The following PPP4R3A variants were observed in gnomAD, a reference collection of about 807,000 sequenced individuals.
The protein encoded by PPP4R3A is protein phosphatase 4 regulatory subunit 3A.
PPP4R3A carries 15 observed loss-of-function variants against 91.7 expected under a neutral mutation model. The observed-to-expected ratio is 0.16, with a 90% CI of 0.11 to 0.25. The LOEUF (loss-of-function observed/expected upper bound fraction) is 0.25. Ranked by LOEUF, PPP4R3A falls within the 10% of genes least tolerant of loss-of-function variation. PPP4R3A has a pLI of 1.00. For synonymous variants in PPP4R3A, 377 were observed against 348.7 expected (o/e 1.08, Z -0.91); for missense variants, 623 against 998.4 (o/e 0.62, Z 5.07).
In PPP4R3A at chr14:91,509,481, TCCCGCCGCGCGG is replaced by T. The variant is rs779800978; in HGVS notation, c.142+13_142+24del. ...CCCAGGGCCGTGGGGGCTGCGAGGG[TCCCGCCGCGCGG>T]GGCTTCACTTACCGTCGCTCTCAGC... On this transcript the variant is annotated intron_variant, in intron 1 of 14. Coordinates refer to ENST00000554943, the MANE Select transcript of PPP4R3A (RefSeq NM_001366432.2). 3 of 1,567,382 alleles carry T rather than the reference TCCCGCCGCGCGG, an allele frequency of 1.9e-6. No homozygotes were observed. The East Asian group carries it at 7.0e-5, about 37-fold the overall frequency.
chr14:91,458,719 GT>G lies in PPP4R3A; in HGVS notation c.*39del, dbSNP rs757496003. On this transcript the variant is annotated 3_prime_UTR_variant, in exon 15 of 15. Transcript: ENST00000554943. ...TGTATGGGGGAGGGGTGGAGAACCAGTTTTTTTCAACAGGTACTGATCCTAG... is the reference window on the plus strand; with the variant it reads ...TGTATGGGGGAGGGGTGGAGAACCAGTTTTTTCAACAGGTACTGATCCTAG... 3.9e-4 allele frequency: 631 copies of G among 1,613,538 alleles called. No homozygotes were observed. Among genetic ancestry groups the G allele is most frequent in the Non-Finnish European group, 5.2e-4 (609 of 1,179,642 alleles).
At chr14:91,460,209 TCAC>T (rs1888040232) in intron 14 of PPP4R3A, among the ~76,000 whole-genome samples, 1 of 152,080 alleles carries the variant, frequency 6.6e-6, no homozygotes, top group Non-Finnish European at 1.5e-5. Flanking sequence ...AGACGGGGTT[TCAC>T]CGTATTAGCC....
Position 91,509,722 on chromosome 14 carries a change from G to T in PPP4R3A, c.-75C>A. ...AAGGGGCCCTGGAGAGGCGAGGGGCGAGGCGTGAGGGCGCCCGCGAGCGGA... is the reference window on the plus strand; with the variant it reads ...AAGGGGCCCTGGAGAGGCGAGGGGCTAGGCGTGAGGGCGCCCGCGAGCGGA... On this transcript the variant is annotated 5_prime_UTR_variant, in exon 1 of 15. Coordinates refer to ENST00000554943, the MANE Select transcript of PPP4R3A (RefSeq NM_001366432.2). 6.9e-7 allele frequency: 1 copy of T among 1,453,160 alleles called. No individual in the cohort carries two copies. Among genetic ancestry groups the T allele is most frequent in the Non-Finnish European group, 9.0e-7 (1 of 1,111,128 alleles). The allele number at this position is 1,453,160 out of a possible 1,614,324, so 90.0% of individuals were successfully genotyped here. A position where few individuals can be genotyped will look rare whatever the true frequency, so the allele number is the denominator to read the frequency against.
intron 3 of PPP4R3A, among the ~76,000 whole-genome samples, chr14:91,484,350 G>C (rs1889752773): frequency 6.6e-6 from 1 of 152,182 alleles, no homozygotes; most frequent in Admixed American, 6.5e-5. Context: ...ACTTTAGGGT[G>C]CATCAGAATC....
chr14:91,492,785 C>T (rs1890304668), intron 1 of PPP4R3A, among the ~76,000 whole-genome samples: 1 of 152,272 alleles, frequency 6.6e-6, no homozygotes, highest in South Asian at 2.1e-4. Flanking sequence ...GGAGAAAATA[C>T]TGTTTTAATC....
At chr14:91,465,731 A>AT (rs1888436896) in intron 10 of PPP4R3A, among the ~76,000 whole-genome samples, 1 of 152,248 alleles carries the variant, frequency 6.6e-6, no homozygotes, top group Non-Finnish European at 1.5e-5. Context: ...AGACAAATGA[A>AT]TGAACCTATC....
chr14:91,504,045 C>G (rs1409285044), intron 1 of PPP4R3A, among the ~76,000 whole-genome samples: 2 of 151,870 alleles, frequency 1.3e-5, no homozygotes, highest in African/African-American at 4.8e-5. Context: ...CTGGGCAATA[C>G]AGTGAGAACC....
chr14:91,462,155 A>T lies in PPP4R3A; in HGVS notation c.2058T>A (p.Asp686Glu). 1 of 1,610,040 alleles carries T rather than the reference A, an allele frequency of 6.2e-7. No individual in the cohort carries two copies. The highest frequency in any genetic ancestry group is 8.5e-7 in the Non-Finnish European group (1 of 1,178,742). The part of the protein sequence containing the change: ...EDEEEMWFNT[D>E]EDDMEDGEAV... ...CTTCTCCATCTTCCATGTCATCTTC[A>T]TCTGTGTTAAACCACATCTCTTCTT... Residue 686 changes from aspartate to glutamate, a missense_variant, in exon 13 of 15, where the codon GAT becomes GAA. Physicochemically the swap from Asp to Glu is conservative, Grantham distance 45. Transcript: ENST00000554943.
At position 91,458,105 on chromosome 14, in the gene PPP4R3A, AAAAC is replaced by A. The variant is rs1369185304; in HGVS notation, c.*650_*653del. The A allele has an allele frequency of 1.3e-5, 2 of 152,908 alleles. No homozygotes were observed. Among genetic ancestry groups the A allele is most frequent in the East Asian group, 3.8e-4 (2 of 5,210 alleles). 9.5% of individuals were successfully genotyped at this position (152,908 alleles called of 1,614,324 possible). ...GGAAAAAAAAAATCAAAAACAAAAT[AAAAC>A]AAAAAAATTATGACACAAATGACCA... On this transcript the variant is annotated 3_prime_UTR_variant, in exon 15 of 15. Transcript: ENST00000554943.
In PPP4R3A at chr14:91,509,958, G is replaced by T. The variant is rs1891687868; in HGVS notation, c.-311C>A. 2 of 1,018,076 alleles carry T rather than the reference G, an allele frequency of 2.0e-6. No homozygotes were observed. The highest frequency in any genetic ancestry group is 4.4e-5 in the South Asian group (1 of 22,534). 63.1% of individuals were successfully genotyped at this position (1,018,076 alleles called of 1,614,324 possible). ...TCCCGCCCCGCAGCGCTAGGAACTC[G>T]GGGCTCCCGTCACTGCCCTGCTCCC... is the stretch of plus-strand genomic sequence containing the variant. On this transcript the variant is annotated 5_prime_UTR_variant, in exon 1 of 15. Transcript: ENST00000554943.
chr14:91,461,948 C>T, intron 13 of PPP4R3A, 101 bp downstream of exon 13: 2 of 1,411,048 alleles, frequency 1.4e-6, no homozygotes, highest in Non-Finnish European at 1.8e-6. Flanking sequence ...AAACCGTATG[C>T]CATCACACCT....
chr14:91,485,242 G>T, intron 3 of PPP4R3A, among the ~76,000 whole-genome samples: 1 of 152,196 alleles, frequency 6.6e-6, no homozygotes, highest in Admixed American at 6.5e-5. Flanking sequence ...ATTATCGAGG[G>T]ACTGAATGGA....
intron 1 of PPP4R3A, among the ~76,000 whole-genome samples, chr14:91,507,451 G>GTATATATACTATAAT (rs1329188943): frequency 8.2e-5 from 9 of 109,158 alleles, no homozygotes; most frequent in African/African-American, 3.3e-4. Flanking sequence ...ATACTATATA[G>GTATATATACTATAAT]TATATATACT....
At chr14:91,484,245 A>G (rs1425560455) in intron 3 of PPP4R3A, among the ~76,000 whole-genome samples, 1 of 152,254 alleles carries the variant, frequency 6.6e-6, no homozygotes, top group Non-Finnish European at 1.5e-5. Context: ...TGAAAAGCAC[A>G]GCGAAGTAGA....
Position 91,476,892 on chromosome 14 carries a change from A to T in PPP4R3A, c.993+17T>A. Reference sequence around the variant, plus strand: ...GTTGTTTTATTTTTATGCCTTTCATAGTATCTAATTTCTTACCAATTCCTG... The same window carrying T: ...GTTGTTTTATTTTTATGCCTTTCATTGTATCTAATTTCTTACCAATTCCTG... On this transcript the variant is annotated intron_variant, in intron 5 of 14. Transcript: ENST00000554943. 6.4e-7 allele frequency: 1 copy of T among 1,570,208 alleles called. No homozygotes were observed.
At chr14:91,472,110 T>C (rs1888882020) in intron 9 of PPP4R3A, among the ~76,000 whole-genome samples, 1 of 149,984 alleles carries the variant, frequency 6.7e-6, no homozygotes, top group South Asian at 2.1e-4. Context: ...AAATAATGTA[T>C]TTACTCCTAA....
At chr14:91,496,259 G>T (rs1313071495) in intron 1 of PPP4R3A, among the ~76,000 whole-genome samples, 2 of 152,112 alleles carry the variant, frequency 1.3e-5, no homozygotes, top group Non-Finnish European at 2.9e-5. Context: ...TCATCAAATT[G>T]AATACTTATG....
chr14:91,465,298 G>A lies in PPP4R3A; in HGVS notation c.1782C>T (p.Tyr594=). 1 of 1,606,166 alleles carries A rather than the reference G, an allele frequency of 6.2e-7. No homozygotes were observed. Among genetic ancestry groups the A allele is most frequent in the Non-Finnish European group, 8.5e-7 (1 of 1,177,728 alleles). ...CTATTATGGCAGAGTTCATCAGATT[G>A]TAGCGGGATCCATTGTTGAGAAATG... The part of the protein sequence containing the change: ...VKAFLNNGSR[Y]NLMNSAIIEM... Residue 594 remains tyrosine, a synonymous_variant, in exon 11 of 15, where the codon TAC becomes TAT. Transcript: ENST00000554943.
At chr14:91,460,063 G>A (rs960467073) in intron 14 of PPP4R3A, among the ~76,000 whole-genome samples, 4 of 151,964 alleles carry the variant, frequency 2.6e-5, no homozygotes, top group Admixed American at 6.6e-5. Context: ...CCAGGCTGGA[G>A]TGCAGTGGCG....
Sources: gnomAD v4.1 joint callset for allele counts (sites outside exome capture counted in the v4.1 genomes callset) on GRCh38, gnomAD v4.1.1 for gene constraint, MANE v1.5 for transcripts, NCBI Gene and HGNC (gene_info 2026-07-23, HGNC 2026-07-21) for gene names.